The following SVEP1 variants were observed in gnomAD, a reference collection of about 807,000 sequenced individuals.
The protein encoded by SVEP1 is sushi, von Willebrand factor type A, EGF and pentraxin domain-containing protein 1.
Under a neutral mutation model 367.3 loss-of-function variants are expected in SVEP1, and 164 were observed. The observed-to-expected ratio is 0.45, with a 90% confidence interval of 0.39 to 0.51. SVEP1 has a LOEUF of 0.51. Among genes scored for constraint, SVEP1 ranks in the 20% least tolerant of loss-of-function variants. SVEP1 has a pLI of 0.00. For synonymous variants in SVEP1, 1,666 were observed against 1,611.6 expected (o/e 1.03, Z -0.81); for missense variants, 4,117 against 4,425.3 (o/e 0.93, Z 1.98).
chr9:110,455,678 A>G lies in SVEP1; in HGVS notation c.3699T>C (p.Asp1233=), dbSNP rs774154912. ...TGAGGCAAGGCAGTGGGCTGCACTC[A>G]TCGATGTCTGTTTCACACTTTAAGC... ...YTGLKCETDI[D]ECSPLPCLNN... Residue 1233 remains aspartate, a synonymous_variant, in exon 22 of 48, where the codon GAT becomes GAC. Coordinates refer to ENST00000374469, the MANE Select transcript of SVEP1 (RefSeq NM_153366.4). 1.9e-6 allele frequency: 3 copies of G among 1,611,738 alleles called. No homozygotes were observed. The highest frequency in any genetic ancestry group is 8.5e-7 in the Non-Finnish European group (1 of 1,178,790).
rs1828810773 is a variant in SVEP1 at position 110,458,527 on chromosome 9, C to T, written c.3520G>A (p.Val1174Met). Residue 1174 changes from valine to methionine, a missense_variant, in exon 20 of 48, where the codon GTG (valine) becomes ATG (methionine). Around this residue, in one of 4 missense-constraint regions of SVEP1, gnomAD observed 2,174 missense variants for 2,494.3 expected, o/e 0.87. Coordinates refer to ENST00000374469, the MANE Select transcript of SVEP1 (RefSeq NM_153366.4). Reference protein sequence around the residue: ...SSTFSAAEESVVPPASLGHIK... With the variant: ...SSTFSAAEESMVPPASLGHIK... ...TGTCCAAGAGAGGCAGGGGGCACCACACTTTCCTCTGCCGCTGAGAAAGTT... is the reference window on the plus strand; with the variant it reads ...TGTCCAAGAGAGGCAGGGGGCACCATACTTTCCTCTGCCGCTGAGAAAGTT... 6.2e-7 allele frequency: 1 copy of T among 1,612,924 alleles called. No homozygotes were observed. Among genetic ancestry groups the T allele is most frequent in the Non-Finnish European group, 8.5e-7 (1 of 1,179,568 alleles).
chr9:110,413,420 T>G (rs1283038684), intron 36 of SVEP1, among the ~76,000 whole-genome samples: 2 of 144,182 alleles, frequency 1.4e-5, no homozygotes, highest in African/African-American at 2.6e-5. Context: ...AGGGATAGCT[T>G]TGGGAGATAT....
At chr9:110,532,834 C>A (rs2118820267) in intron 3 of SVEP1, among the ~76,000 whole-genome samples, 1 of 152,058 alleles carries the variant, frequency 6.6e-6, no homozygotes, top group Middle Eastern at 3.4e-3. Flanking sequence ...AAAGTTTCCT[C>A]CAGAAACTTT....
chr9:110,405,724 G>A (rs1827943827), intron 38 of SVEP1, among the ~76,000 whole-genome samples: 1 of 152,110 alleles, frequency 6.6e-6, no homozygotes, highest in Non-Finnish European at 1.5e-5. Context: ...TTTTAATCCT[G>A]ATTATTTGGC....
chr9:110,451,502 G>T, intron 22 of SVEP1, 100 bp from the exon 23 acceptor site: 1 of 711,418 alleles, frequency 1.4e-6, no homozygotes, highest in Non-Finnish European at 2.3e-6. Flanking sequence ...TAGGGAAATT[G>T]GAAATCATGG....
rs1588026406 is a variant in SVEP1 at position 110,389,385 on chromosome 9, C to T, written c.9886+139G>A. On this transcript the variant is annotated intron_variant, in intron 41 of 47. Coordinates refer to ENST00000374469, the MANE Select transcript of SVEP1 (RefSeq NM_153366.4). ...TGGTTTACTGCCCTTGAGAAAAAGC[C>T]CATTAAAAGGTTCTCATATGGCTTA... 5 of 896,420 alleles carry T rather than the reference C, an allele frequency of 5.6e-6. No homozygotes were observed. The South Asian group carries it at 1.0e-4, about 18-fold the overall frequency. 55.5% of individuals were successfully genotyped at this position (896,420 alleles called of 1,614,324 possible).
intron 3 of SVEP1, among the ~76,000 whole-genome samples, chr9:110,518,321 C>T (rs1443630950): frequency 1.3e-5 from 2 of 151,294 alleles, no homozygotes; most frequent in Non-Finnish European, 1.5e-5. Flanking sequence ...ATTTGGGAGG[C>T]AGAGACAGGA....
At chr9:110,399,596 C>T (rs545652321) in intron 40 of SVEP1, among the ~76,000 whole-genome samples, 36 of 151,988 alleles carry the variant, frequency 2.4e-4, no homozygotes, top group East Asian at 7.7e-4. Context: ...TGCAATGGTG[C>T]GATCTTGGCT....
chr9:110,445,906 T>C lies in SVEP1; in HGVS notation c.4394A>G (p.Tyr1465Cys). The change falls in exon 26 of 48, where the codon TAT (tyrosine) becomes TGT (cysteine). Residue 1465 changes from tyrosine to cysteine, a missense_variant. Coordinates refer to ENST00000374469, the MANE Select transcript of SVEP1 (RefSeq NM_153366.4). The stretch of plus-strand genomic sequence containing the variant: ...AACTGCATAGGAGATTGGTGTTCCA[T>C]AGTTCATGTCGTCAGAGGATTTCAT... ...FWMKSSDDMN[Y>C]GTPISYAVDN... 1.2e-6 allele frequency: 2 copies of C among 1,613,946 alleles called. No homozygotes were observed. Among genetic ancestry groups the C allele is most frequent in the Non-Finnish European group, 1.7e-6 (2 of 1,179,848 alleles).
At chr9:110,532,841 C>A (rs1830037024) in intron 3 of SVEP1, among the ~76,000 whole-genome samples, 1 of 152,026 alleles carries the variant, frequency 6.6e-6, no homozygotes, top group Non-Finnish European at 1.5e-5. Context: ...CCTCCAGAAA[C>A]TTTGCCGAAT....
intron 3 of SVEP1, among the ~76,000 whole-genome samples, chr9:110,528,384 A>G (rs1258585966): frequency 1.3e-5 from 2 of 151,506 alleles, no homozygotes; most frequent in African/African-American, 4.8e-5. Flanking sequence ...AAATCTCCAT[A>G]CTGTTTTCCA....
chr9:110,396,793 G>A (rs1340659053), intron 40 of SVEP1, among the ~76,000 whole-genome samples: 1 of 152,060 alleles, frequency 6.6e-6, no homozygotes, highest in African/African-American at 2.4e-5. Context: ...ACTAAACCAG[G>A]AAGTAGTTGA....
Position 110,400,946 on chromosome 9 carries a change from GT to G in SVEP1, c.9729del (p.Lys3243AsnfsTer31). 6.2e-7 allele frequency: 1 copy of G among 1,613,878 alleles called. No individual in the cohort carries two copies. On this transcript the variant is annotated frameshift_variant, in exon 40 of 48. Coordinates refer to ENST00000374469, the MANE Select transcript of SVEP1 (RefSeq NM_153366.4). LOFTEE classifies it high-confidence loss of function. ...DESCSPVSCG[K>X]PESPEHGFVV... ...ACAAATCCATGTTCTGGACTTTCAG[GT>G]TTCCCACAAGAAACTGGACTGCAAG...
intron 35 of SVEP1, among the ~76,000 whole-genome samples, chr9:110,428,665 C>G (rs953459335): frequency 1.3e-5 from 2 of 152,108 alleles, no homozygotes; most frequent in African/African-American, 2.4e-5. Flanking sequence ...AGAATATTTT[C>G]TTGGGCATTT....
At chr9:110,554,772 T>C (rs1830335653) in intron 1 of SVEP1, among the ~76,000 whole-genome samples, 1 of 151,280 alleles carries the variant, frequency 6.6e-6, no homozygotes, top group Admixed American at 6.6e-5. Context: ...ATTTACATTT[T>C]CAGTTAGTAC....
chr9:110,424,727 T>C (rs1053138514), intron 36 of SVEP1, among the ~76,000 whole-genome samples: 14 of 152,180 alleles, frequency 9.2e-5, no homozygotes, highest in African/African-American at 3.4e-4. Context: ...TAGGCTGGAG[T>C]GCAATGGCGC....
In SVEP1 at chr9:110,455,654, G is replaced by A. The variant is rs749355004; in HGVS notation, c.3723C>T (p.Leu1241=). ...DIDECSPLPC[L]NNGVCKDLVG... is the part of the protein sequence containing the mutation. ...CTAGGTCTTTACAAACTCCATTGTT[G>A]AGGCAAGGCAGTGGGCTGCACTCAT... is the stretch of plus-strand genomic sequence containing the variant. The change falls in exon 22 of 48, where the codon CTC becomes CTT. Residue 1241 remains leucine, a synonymous_variant. Coordinates refer to ENST00000374469, the MANE Select transcript of SVEP1 (RefSeq NM_153366.4). 3.7e-5 allele frequency: 60 copies of A among 1,613,374 alleles called. No homozygotes were observed. The highest frequency in any genetic ancestry group is 4.9e-5 in the Non-Finnish European group (58 of 1,179,668).
intron 17 of SVEP1, among the ~76,000 whole-genome samples, chr9:110,468,589 A>G (rs1403094363): frequency 6.6e-6 from 1 of 152,234 alleles, no homozygotes; most frequent in African/African-American, 2.4e-5. Context: ...GAGGAAAAGA[A>G]TATTCTTAGC....
chr9:110,454,680 C>A (rs182883478), intron 22 of SVEP1, among the ~76,000 whole-genome samples: 292 of 152,188 alleles, frequency 1.9e-3, no homozygotes, highest in Non-Finnish European at 3.3e-3. Context: ...CAGCTGCAGG[C>A]CATTATTCTA....
Sources: allele counts gnomAD v4.1 joint callset (sites outside exome capture counted in the v4.1 genomes callset), GRCh38; gene constraint gnomAD v4.1.1; regional missense constraint gnomAD v4.1.1; transcripts MANE v1.5; gene names NCBI Gene and HGNC (gene_info 2026-07-23, HGNC 2026-07-21).